The following NKAIN2 variants were observed in gnomAD, a reference collection of about 807,000 sequenced individuals.
NKAIN2 encodes sodium/potassium-transporting ATPase subunit beta-1-interacting protein 2.
In NKAIN2, 14 loss-of-function variants were observed where a neutral mutation model predicts 32.6. The observed-to-expected ratio is 0.43, with a 90% CI of 0.28 to 0.67. NKAIN2 has a LOEUF of 0.67. Among genes scored for constraint, NKAIN2 ranks in the 30% least tolerant of loss-of-function variants. The probability of loss-of-function intolerance (pLI) is 0.17; values close to 1 mark genes in which losing one functional copy is unlikely to be tolerated. For missense variants in NKAIN2, 198 were observed against 258.3 expected (o/e 0.77, Z 1.60); for synonymous variants, 80 against 87.2 (o/e 0.92, Z 0.46).
intron 1 of NKAIN2, among the ~76,000 whole-genome samples, chr6:124,100,986 A>G (rs1784860108): frequency 2.0e-5 from 3 of 152,230 alleles, no homozygotes; most frequent in African/African-American, 7.2e-5. Flanking sequence ...TTACTGGTAC[A>G]GTAGAATTGC....
chr6:123,806,893 A>G (rs1162840642), intron 1 of NKAIN2, among the ~76,000 whole-genome samples: 2 of 152,058 alleles, frequency 1.3e-5, no homozygotes, highest in Non-Finnish European at 2.9e-5. Context: ...TTTTAAATAA[A>G]TTTAAGGGAA....
At chr6:124,254,195 G>A (rs570544487) in intron 1 of NKAIN2, among the ~76,000 whole-genome samples, 7 of 148,864 alleles carry the variant, frequency 4.7e-5, no homozygotes, top group African/African-American at 1.5e-4. Flanking sequence ...CAGGTGATCC[G>A]CCTGCCTCGG....
chr6:124,234,330 A>G (rs1050447988), intron 1 of NKAIN2, among the ~76,000 whole-genome samples: 2 of 152,170 alleles, frequency 1.3e-5, no homozygotes, highest in African/African-American at 4.8e-5. Flanking sequence ...AACTTTATGA[A>G]TAATCCATTT....
intron 1 of NKAIN2, among the ~76,000 whole-genome samples, chr6:124,198,143 G>A (rs1166550209): frequency 6.6e-6 from 1 of 151,918 alleles, no homozygotes; most frequent in Non-Finnish European, 1.5e-5. Flanking sequence ...CTAGATATAG[G>A]CTGTTTTTGC....
chr6:124,430,996 C>T (rs1300612584), intron 3 of NKAIN2, among the ~76,000 whole-genome samples: 1 of 152,142 alleles, frequency 6.6e-6, no homozygotes, highest in African/African-American at 2.4e-5. Flanking sequence ...GCATGACCTC[C>T]ATAGACATGT....
intron 1 of NKAIN2, among the ~76,000 whole-genome samples, chr6:124,136,674 T>C (rs1402023206): frequency 2.0e-5 from 3 of 152,126 alleles, no homozygotes; most frequent in Non-Finnish European, 4.4e-5. Context: ...AAGTGGGTTT[T>C]ATACCAGGGA....
intron 1 of NKAIN2, among the ~76,000 whole-genome samples, chr6:124,234,410 A>C (rs2114747235): frequency 6.6e-6 from 1 of 152,270 alleles, no homozygotes; most frequent in African/African-American, 2.4e-5. Context: ...TCCAGTAGGG[A>C]GAAAAGAATA....
chr6:124,311,745 A>G (rs1051144206), intron 2 of NKAIN2, among the ~76,000 whole-genome samples: 6 of 152,204 alleles, frequency 3.9e-5, no homozygotes, highest in Admixed American at 1.3e-4. Context: ...AAGTCACAAC[A>G]TGTTCACTAG....
intron 3 of NKAIN2, among the ~76,000 whole-genome samples, chr6:124,470,100 G>A (rs1182656603): frequency 6.6e-6 from 1 of 152,130 alleles, no homozygotes; most frequent in East Asian, 1.9e-4. Context: ...GGTCATGAGT[G>A]AGGGTGGTGG....
chr6:124,288,630 G>T (rs1795667881), intron 2 of NKAIN2, among the ~76,000 whole-genome samples: 1 of 152,026 alleles, frequency 6.6e-6, no homozygotes, highest in East Asian at 1.9e-4. Context: ...CCAGCTTTTT[G>T]ATGGTGATTT....
At chr6:124,550,029 C>T (rs931735404) in intron 3 of NKAIN2, among the ~76,000 whole-genome samples, 11 of 152,188 alleles carry the variant, frequency 7.2e-5, no homozygotes, top group African/African-American at 2.2e-4. Context: ...GCCCATGAAG[C>T]TTACCTCCAT....
intron 1 of NKAIN2, among the ~76,000 whole-genome samples, chr6:123,911,717 T>C (rs530800804): frequency 1.3e-5 from 2 of 150,034 alleles, no homozygotes; most frequent in East Asian, 3.9e-4. Flanking sequence ...TTAATCTTTA[T>C]TTACAGCAAT....
At chr6:124,410,768 G>C (rs1428389714) in intron 3 of NKAIN2, among the ~76,000 whole-genome samples, 1 of 152,026 alleles carries the variant, frequency 6.6e-6, no homozygotes, top group Non-Finnish European at 1.5e-5. Flanking sequence ...TTTCTGTCTC[G>C]ATCTGTCTAA....
intron 3 of NKAIN2, among the ~76,000 whole-genome samples, chr6:124,626,158 A>T (rs1043225276): frequency 1.4e-5 from 2 of 142,350 alleles, no homozygotes; most frequent in Non-Finnish European, 3.0e-5. Context: ...CCACTTTAAA[A>T]TAGAAAACTG....
intron 4 of NKAIN2, among the ~76,000 whole-genome samples, chr6:124,740,474 G>GTGTGTGTGTGTGT (rs1777152913): frequency 6.8e-6 from 1 of 148,096 alleles, no homozygotes. Flanking sequence ...GTGTGTGTGT[G>GTGTGTGTGTGTGT]GTGATAGGTG....
At chr6:124,055,001 T>G (rs557320441) in intron 1 of NKAIN2, among the ~76,000 whole-genome samples, 2 of 152,204 alleles carry the variant, frequency 1.3e-5, no homozygotes, top group East Asian at 3.9e-4. Flanking sequence ...TCCTATTGGA[T>G]ATGTGTTTCA....
At chr6:124,488,442 T>TC (rs1428039582) in intron 3 of NKAIN2, among the ~76,000 whole-genome samples, 2 of 152,000 alleles carry the variant, frequency 1.3e-5, no homozygotes, top group African/African-American at 4.8e-5. Flanking sequence ...AACATTATCA[T>TC]CCATGTCATT....
At chr6:124,786,554 A>G (rs776259935) in intron 4 of NKAIN2, among the ~76,000 whole-genome samples, 14 of 152,140 alleles carry the variant, frequency 9.2e-5, no homozygotes, top group Non-Finnish European at 1.9e-4. Context: ...AAAGAATTTT[A>G]ATCTGATTTA....
At chr6:124,759,690 G>T (rs140003465) in intron 4 of NKAIN2, among the ~76,000 whole-genome samples, 1 of 139,716 alleles carries the variant, frequency 7.2e-6, no homozygotes, top group Non-Finnish European at 1.5e-5. Context: ...ATTTTCCTCC[G>T]TCACACTTAT....
Sources: gnomAD v4.1 joint callset for allele counts (sites outside exome capture counted in the v4.1 genomes callset) on GRCh38, gnomAD v4.1.1 for gene constraint, MANE v1.5 for transcripts, NCBI Gene and HGNC (gene_info 2026-07-23, HGNC 2026-07-21) for gene names.